The following LHFPL6 variants were observed in gnomAD, a reference collection of about 807,000 sequenced individuals.
The protein encoded by LHFPL6 is LHFPL tetraspan subfamily member 6 protein.
LHFPL6 carries 9 observed loss-of-function variants against 20.6 expected under a neutral mutation model. The ratio of observed to expected loss-of-function variants is 0.44; its 90% confidence interval spans 0.26 to 0.76. The LOEUF is 0.76. Among genes scored for constraint, LHFPL6 ranks in the 30% least tolerant of loss-of-function variants. The probability of loss-of-function intolerance (pLI) is 0.20; values close to 1 mark genes in which losing one functional copy is unlikely to be tolerated. For missense variants in LHFPL6, 218 were observed against 253.5 expected (o/e 0.86, Z 0.95); for synonymous variants, 105 against 98.7 (o/e 1.06, Z -0.38).
At chr13:39,582,281 C>T (rs1389458447) in intron 2 of LHFPL6, among the ~76,000 whole-genome samples, 2 of 152,216 alleles carry the variant, frequency 1.3e-5, no homozygotes, top group Non-Finnish European at 2.9e-5. Context: ...TCTTTCATCT[C>T]GCTCTCTTTC....
chr13:39,451,484 C>T (rs1274649123), intron 2 of LHFPL6, among the ~76,000 whole-genome samples: 1 of 152,154 alleles, frequency 6.6e-6, no homozygotes, highest in East Asian at 1.9e-4. Flanking sequence ...TATTACATAA[C>T]CTAGCCAAAG....
intron 3 of LHFPL6, among the ~76,000 whole-genome samples, chr13:39,369,981 GGC>G (rs1870124681): frequency 6.6e-6 from 1 of 152,092 alleles, no homozygotes; most frequent in African/African-American, 2.4e-5. Context: ...GAAATGTTCT[GGC>G]TCTGATTTTG....
chr13:39,449,166 T>C (rs1202922028), intron 2 of LHFPL6, among the ~76,000 whole-genome samples: 3 of 152,240 alleles, frequency 2.0e-5, no homozygotes, highest in Non-Finnish European at 4.4e-5. Context: ...CCACATCAAC[T>C]GTAAACTGAC....
chr13:39,472,302 A>T (rs1226063868), intron 2 of LHFPL6, among the ~76,000 whole-genome samples: 2 of 152,072 alleles, frequency 1.3e-5, no homozygotes, highest in Non-Finnish European at 2.9e-5. Flanking sequence ...TCCCCTTCTC[A>T]CTTACTAGCA....
chr13:39,434,025 C>G (rs1483608713), intron 2 of LHFPL6, among the ~76,000 whole-genome samples: 1 of 152,162 alleles, frequency 6.6e-6, no homozygotes, highest in Non-Finnish European at 1.5e-5. Context: ...TTGTATCAGG[C>G]TTTTGGATTC....
intron 2 of LHFPL6, among the ~76,000 whole-genome samples, chr13:39,379,171 C>T (rs1175907): frequency 1 from 152,049 of 152,340 alleles, 75,882 homozygotes; most frequent in Middle Eastern, 1. Flanking sequence ...ATGACTAAAC[C>T]AAAGAAAGTG....
intron 2 of LHFPL6, among the ~76,000 whole-genome samples, chr13:39,587,157 C>CA (rs11298810): frequency 1.5e-4 from 22 of 148,238 alleles, no homozygotes; most frequent in African/African-American, 4.5e-4. Flanking sequence ...AACTCCGTCT[C>CA]AAAAAAAAAA....
At chr13:39,418,848 A>G (rs1871412227) in intron 2 of LHFPL6, among the ~76,000 whole-genome samples, 1 of 152,176 alleles carries the variant, frequency 6.6e-6, no homozygotes, top group African/African-American at 2.4e-5. Flanking sequence ...AGCCTTGCCG[A>G]CTTTACAGCA....
At chr13:39,458,960 G>A (rs1283667563) in intron 2 of LHFPL6, among the ~76,000 whole-genome samples, 1 of 152,106 alleles carries the variant, frequency 6.6e-6, no homozygotes, top group Non-Finnish European at 1.5e-5. Context: ...TAACCTTCCT[G>A]GGGCCTTTTA....
At chr13:39,494,484 C>T (rs1869032674) in intron 2 of LHFPL6, among the ~76,000 whole-genome samples, 1 of 152,162 alleles carries the variant, frequency 6.6e-6, no homozygotes, top group Non-Finnish European at 1.5e-5. Context: ...TGACTAGGTA[C>T]ACAGCCTGAC....
chr13:39,409,045 C>T (rs1406240108), intron 2 of LHFPL6, among the ~76,000 whole-genome samples: 1 of 152,124 alleles, frequency 6.6e-6, no homozygotes, highest in African/African-American at 2.4e-5. Flanking sequence ...GAATTTGTAG[C>T]GTTAAGCAGG....
chr13:39,446,586 G>A (rs1049668084), intron 2 of LHFPL6, among the ~76,000 whole-genome samples: 5 of 151,954 alleles, frequency 3.3e-5, no homozygotes, highest in African/African-American at 4.8e-5. Flanking sequence ...CACAATCAAC[G>A]TCGTATCTGA....
chr13:39,388,966 G>A (rs776886329), intron 2 of LHFPL6, among the ~76,000 whole-genome samples: 1 of 152,166 alleles, frequency 6.6e-6, no homozygotes, highest in Non-Finnish European at 1.5e-5. Context: ...CTCATTGTGC[G>A]ATCCTCTCAG....
chr13:39,581,597 C>T lies in LHFPL6; in HGVS notation c.385+19235G>A, dbSNP rs11841454. The stretch of plus-strand genomic sequence containing the variant: ...TTCAGCTTTCACAATCTCTCTCTCT[C>T]TTTTTTTTTTTTCTAACTACATGGT... On this transcript the variant is annotated intron_variant, in intron 2 of 3. Coordinates refer to ENST00000379589, the MANE Select transcript of LHFPL6 (RefSeq NM_005780.3). Among the ~76,000 whole-genome samples, 69 of 141,122 alleles carry T rather than the reference C, an allele frequency of 4.9e-4. 1 individual carries two copies. Among genetic ancestry groups the T allele is most frequent in the Middle Eastern group, 3.8e-3 (1 of 266 alleles). The allele number at this position is 141,122 out of a possible 152,430, so 92.6% of individuals were successfully genotyped here. A position where few individuals can be genotyped will look rare whatever the true frequency, so the allele number is the denominator to read the frequency against.
intron 2 of LHFPL6, among the ~76,000 whole-genome samples, chr13:39,489,986 C>T (rs1421325494): frequency 3.3e-5 from 5 of 152,056 alleles, no homozygotes; most frequent in Admixed American, 3.3e-4. Flanking sequence ...GAAAAGGTAA[C>T]AGATGAAATT....
chr13:39,564,117 A>G (rs1251850313), intron 2 of LHFPL6, among the ~76,000 whole-genome samples: 1 of 45,096 alleles, frequency 2.2e-5, no homozygotes, highest in African/African-American at 9.9e-5. Flanking sequence ...TTTCCTCTGG[A>G]GCATTTTATT....
intron 2 of LHFPL6, among the ~76,000 whole-genome samples, chr13:39,389,430 G>A (rs918915249): frequency 6.6e-6 from 1 of 152,208 alleles, no homozygotes; most frequent in South Asian, 2.1e-4. Context: ...GTATGGCCAA[G>A]CTTTAACTCA....
chr13:39,388,249 ATTC>A (rs1361722438), intron 2 of LHFPL6, among the ~76,000 whole-genome samples: 1 of 152,168 alleles, frequency 6.6e-6, no homozygotes, highest in Non-Finnish European at 1.5e-5. Context: ...CTTGATTCTC[ATTC>A]TTCTTTTTTA....
intron 2 of LHFPL6, among the ~76,000 whole-genome samples, chr13:39,514,562 T>C (rs1482849959): frequency 1.3e-5 from 2 of 152,150 alleles, no homozygotes; most frequent in Admixed American, 6.5e-5. Context: ...AAGCTACCCA[T>C]GAACACAAAA....
Sources: gnomAD v4.1 joint callset for allele counts (sites outside exome capture counted in the v4.1 genomes callset) on GRCh38, gnomAD v4.1.1 for gene constraint, MANE v1.5 for transcripts, NCBI Gene and HGNC (gene_info 2026-07-23, HGNC 2026-07-21) for gene names.